Variants in TMEM52B observed in about 807,000 individuals in gnomAD.
The protein encoded by TMEM52B is chromosome 12 open reading frame 59.
TMEM52B carries 11 observed loss-of-function variants against 16.1 expected under a neutral mutation model. That is an observed-to-expected ratio of 0.68 (90% CI 0.43 to 1.13). The LOEUF (loss-of-function observed/expected upper bound fraction) is 1.13, where lower values mean the gene tolerates loss of function less well. Among genes scored for constraint, TMEM52B ranks in the 50% most tolerant of loss-of-function variants. The pLI is 0.00. For missense variants in TMEM52B, 243 were observed against 230.4 expected (o/e 1.05, Z -0.35); for synonymous variants, 101 against 93.8 (o/e 1.08, Z -0.45).
chr12:10,184,223 C>G (rs1948854642), intron 2 of TMEM52B, among the ~76,000 whole-genome samples: 1 of 152,180 alleles, frequency 6.6e-6, no homozygotes, highest in Non-Finnish European at 1.5e-5. Flanking sequence ...GTGCCCCTTC[C>G]CACATGCTTT....
intron 1 of TMEM52B, chr12:10,171,927 C>A: frequency 3.6e-6 from 4 of 1,104,898 alleles, no homozygotes; most frequent in Non-Finnish European, 5.5e-6. Context: ...TTTCTAATCC[C>A]ATTCTTCGGT....
At chr12:10,170,814 T>G (rs1006435686) in exon 1 of TMEM52B, 2 of 152,124 alleles carry the variant, frequency 1.3e-5, no homozygotes, top group Non-Finnish European at 2.9e-5. Flanking sequence ...ACTAAATTTT[T>G]AGAGGAAAAA....
intron 4 of TMEM52B, among the ~76,000 whole-genome samples, chr12:10,188,491 G>GGGAAGGAAGGAAGAAAGGAAGGAAGGAA (rs1230315306): frequency 2.0e-4 from 16 of 78,242 alleles, no homozygotes; most frequent in African/African-American, 7.5e-4. Flanking sequence ...AAGAGAGAGA[G>GGGAAGGAAGGAAGAAAGGAAGGAAGGAA]GGAAGGAAGG....
chr12:10,189,055 G>A (rs1428696534), intron 4 of TMEM52B, among the ~76,000 whole-genome samples: 12 of 107,592 alleles, frequency 1.1e-4, no homozygotes, highest in African/African-American at 4.2e-4. Flanking sequence ...AAAAAAATTA[G>A]CCAGGCACGT....
chr12:10,190,137 C>G lies in TMEM52B; in HGVS notation c.549C>G (p.Asn183Lys). Reference sequence around the variant, plus strand: ...CGACTCGAATAGTTGACTCTTGGAACTGATGAGAGCTGTCATTTTATAAAT... The same window carrying G: ...CGACTCGAATAGTTGACTCTTGGAAGTGATGAGAGCTGTCATTTTATAAAT... ...KESTRIVDSW[N>K] Residue 183 changes from asparagine (N) to lysine (K), a missense_variant, in exon 5 of 5, where the codon AAC becomes AAG. Physicochemically the swap from Asn to Lys is moderately conservative, Grantham distance 94. Transcript: ENST00000543484. 6.2e-7 allele frequency: 1 copy of G among 1,614,090 alleles called. No individual in the cohort carries two copies. Among genetic ancestry groups the G allele is most frequent in the South Asian group, 1.1e-5 (1 of 91,070 alleles).
Position 10,179,481 on chromosome 12 carries a change from A to C in TMEM52B, c.-94A>C. 1 of 1,369,698 alleles carries C rather than the reference A, an allele frequency of 7.3e-7. No homozygotes were observed. The highest frequency in any genetic ancestry group is 1.7e-5 in the Admixed American group (1 of 58,142). The allele number at this position is 1,369,698 out of a possible 1,614,324, so 84.8% of individuals were successfully genotyped here. A position where few individuals can be genotyped will look rare whatever the true frequency, so the allele number is the denominator to read the frequency against. ...CCTGAGAAAAGTTTCTCTTCTTAAG[A>C]ATTCTAGGTCAAGAAGTAAAATATG... On this transcript the variant is annotated 5_prime_UTR_variant, in exon 1 of 5. Coordinates refer to ENST00000543484, the MANE Select transcript of TMEM52B (RefSeq NM_001384896.1).
At chr12:10,182,520 C>T (rs1173136658) in intron 1 of TMEM52B, 30 bp from the exon 2 acceptor site, 1 of 1,532,042 alleles carries the variant, frequency 6.5e-7, no homozygotes, top group African/African-American at 1.4e-5. Flanking sequence ...AAAACAATTT[C>T]CCTGTATAAG....
chr12:10,180,852 C>A (rs926022474), intron 1 of TMEM52B, among the ~76,000 whole-genome samples: 7 of 152,226 alleles, frequency 4.6e-5, no homozygotes. Context: ...GTTACCCAGG[C>A]TGGAGTGCAG....
At chr12:10,171,880 G>T in intron 1 of TMEM52B, 1 of 636,878 alleles carries the variant, frequency 1.6e-6, no homozygotes, top group Non-Finnish European at 2.8e-6. Flanking sequence ...TTAAGTAAAT[G>T]GTATTAATTC....
At chr12:10,180,162 G>A (rs1272643572) in intron 1 of TMEM52B, among the ~76,000 whole-genome samples, 3 of 152,094 alleles carry the variant, frequency 2.0e-5, no homozygotes, top group African/African-American at 7.2e-5. Context: ...CTAAACAATT[G>A]TCACAGGGAA....
intron 4 of TMEM52B, among the ~76,000 whole-genome samples, chr12:10,189,095 G>A (rs1163444805): frequency 6.7e-6 from 1 of 149,464 alleles, no homozygotes; most frequent in African/African-American, 2.5e-5. Flanking sequence ...CAGCTACTCG[G>A]GAGGACGAGG....
At chr12:10,183,590 A>G (rs371920965) in intron 2 of TMEM52B, among the ~76,000 whole-genome samples, 25 of 152,370 alleles carry the variant, frequency 1.6e-4, no homozygotes, top group Middle Eastern at 3.4e-3. Flanking sequence ...CTTCAAAGAT[A>G]CACAAATATT....
intron 1 of TMEM52B, among the ~76,000 whole-genome samples, chr12:10,180,436 C>T (rs753090192): frequency 2.6e-5 from 4 of 152,084 alleles, no homozygotes; most frequent in Non-Finnish European, 5.9e-5. Context: ...AGCATTTTCT[C>T]TGCTGAGCAC....
intron 1 of TMEM52B, among the ~76,000 whole-genome samples, chr12:10,171,547 G>A (rs1255685557): frequency 6.6e-6 from 1 of 152,112 alleles, no homozygotes; most frequent in Non-Finnish European, 1.5e-5. Context: ...AGAAATTATC[G>A]TTATATACAC....
intron 4 of TMEM52B, among the ~76,000 whole-genome samples, chr12:10,189,126 C>G (rs1293835369): frequency 1.4e-5 from 2 of 146,308 alleles, no homozygotes; most frequent in African/African-American, 5.1e-5. Context: ...TTGTTTGAAC[C>G]TGGGAGGTGG....
intron 1 of TMEM52B, chr12:10,182,041 CAA>C (rs34826487): frequency 1.9e-5 from 7 of 372,002 alleles, no homozygotes; most frequent in African/African-American, 8.0e-5. Flanking sequence ...AAAAAAAAAA[CAA>C]AAAAAAAAAA....
chr12:10,190,491 A>C lies in TMEM52B; in HGVS notation c.*351A>C, dbSNP rs1426559072. The C allele has an allele frequency of 3.9e-6, 1 of 256,392 alleles. No individual in the cohort carries two copies. Among genetic ancestry groups the C allele is most frequent in the Admixed American group, 4.9e-5 (1 of 20,604 alleles). The allele number at this position is 256,392 out of a possible 1,614,324, so 15.9% of individuals were successfully genotyped here. A position where few individuals can be genotyped will look rare whatever the true frequency, so the allele number is the denominator to read the frequency against. On this transcript the variant is annotated 3_prime_UTR_variant, in exon 5 of 5. Transcript: ENST00000543484. ...ACTGCAAGTTGTGTCTCTCTCTGTC[A>C]GCGAATCCACTGCGGTTAACTGGAA...
chr12:10,172,014 T>A (rs994354306), intron 1 of TMEM52B: 1 of 1,613,488 alleles, frequency 6.2e-7, no homozygotes, highest in Non-Finnish European at 8.5e-7. Flanking sequence ...TTAGCTTTTT[T>A]TCCATTTGAC....
upstream of TMEM52B, among the ~76,000 whole-genome samples, chr12:10,174,948 T>C (rs749648191): frequency 4.6e-5 from 7 of 152,254 alleles, no homozygotes; most frequent in Non-Finnish European, 1.5e-5. Context: ...TATTCCATTG[T>C]ATGTATAAAC....
Sources: allele counts gnomAD v4.1 joint callset (sites outside exome capture counted in the v4.1 genomes callset), GRCh38; gene constraint gnomAD v4.1.1; transcripts MANE v1.5; gene names NCBI Gene and HGNC (gene_info 2026-07-23, HGNC 2026-07-21).